The following TRAF7 variants were observed in gnomAD, a reference collection of about 807,000 sequenced individuals.
The protein encoded by TRAF7 is E3 ubiquitin-protein ligase TRAF7.
A neutral mutation model predicts 89.3 loss-of-function variants in TRAF7; 45 were observed. That is an observed-to-expected ratio of 0.50 (90% CI 0.40 to 0.65). TRAF7 has a LOEUF of 0.65. Among genes scored for constraint, TRAF7 ranks in the 30% least tolerant of loss-of-function variants. The probability of loss-of-function intolerance (pLI) is 0.00; values close to 1 mark genes in which losing one functional copy is unlikely to be tolerated. For synonymous variants in TRAF7, 406 were observed against 369.2 expected (o/e 1.10, Z -1.14); for missense variants, 677 against 918.1 (o/e 0.74, Z 3.39).
At chr16:2,171,697 G>A (rs1211556348) in intron 7 of TRAF7, 92 bp downstream of exon 7, 17 of 1,586,156 alleles carry the variant, frequency 1.1e-5, no homozygotes, top group East Asian at 4.5e-5. Flanking sequence ...CCTGCACAGC[G>A]TCCGGCCCTG....
Position 2,177,065 on chromosome 16 carries a change from C to T in TRAF7, c.*491C>T, listed in dbSNP as rs937200464. 8 of 285,704 alleles carry T rather than the reference C, an allele frequency of 2.8e-5. No homozygotes were observed. Among genetic ancestry groups the T allele is most frequent in the Admixed American group, 9.4e-5 (2 of 21,218 alleles). The allele number at this position is 285,704 out of a possible 1,614,324, so 17.7% of individuals were successfully genotyped here. A position where few individuals can be genotyped will look rare whatever the true frequency, so the allele number is the denominator to read the frequency against. ...TTTCCTTTGGTGGACCCCAGGACTTCGGCCCACTCCGGGGCCTCCCCTCCC... is the reference window on the plus strand; with the variant it reads ...TTTCCTTTGGTGGACCCCAGGACTTTGGCCCACTCCGGGGCCTCCCCTCCC... On this transcript the variant is annotated 3_prime_UTR_variant, in exon 21 of 21. Transcript: ENST00000326181.
chr16:2,173,857 G>GCGGGGGGGGGGCCCCCC, intron 12 of TRAF7, 21 bp downstream of exon 12: 1 of 1,607,486 alleles, frequency 6.2e-7, no homozygotes, highest in Non-Finnish European at 8.5e-7. Context: ...ACCCGCCGTG[G>GCGGGGGGGGGGCCCCCC]CTCCCGCCCA....
chr16:2,163,798 A>T lies in TRAF7; in HGVS notation c.-38-85A>T. 1.1e-6 allele frequency: 1 copy of T among 883,738 alleles called. No homozygotes were observed. The highest frequency in any genetic ancestry group is 1.8e-6 in the Non-Finnish European group (1 of 548,100). The allele number at this position is 883,738 out of a possible 1,614,324, so 54.7% of individuals were successfully genotyped here. On this transcript the variant is annotated intron_variant, in intron 1 of 20. Transcript: ENST00000326181. This position sits in a 1 kb window ranked among gnomAD's most constrained non-coding sequence, Gnocchi z 4.3. ...CGGCGGCCCCACGGTGCCCCACAGC[A>T]GGTCTGCACACTTGCAGCAGCCCGT...
In TRAF7 at chr16:2,172,670, C is replaced by T. The variant is rs1335951825; in HGVS notation, c.794+71C>T. 122 of 1,485,602 alleles carry T rather than the reference C, an allele frequency of 8.2e-5. 1 individual carries two copies. The East Asian group carries it at 2.4e-3, about 30-fold the overall frequency. 92.0% of individuals were successfully genotyped at this position (1,485,602 alleles called of 1,614,324 possible). On this transcript the variant is annotated intron_variant, in intron 9 of 20. Transcript: ENST00000326181. ...TCCACAGGCTCCGCTGAGAGCTGCC[C>T]GCTTGCTGGTCCCGGGGAGGTAGGC...
chr16:2,175,830 A>G lies in TRAF7; in HGVS notation c.1627-4A>G. 6.2e-7 allele frequency: 1 copy of G among 1,613,020 alleles called. No homozygotes were observed. The highest frequency in any genetic ancestry group is 8.5e-7 in the Non-Finnish European group (1 of 1,179,640). On this transcript the variant is annotated splice_polypyrimidine_tract_variant and splice_region_variant and intron_variant, in intron 17 of 20. Transcript: ENST00000326181. ...GGGACCAACTGGCCCACGATTACTC[A>G]TAGATCTGGGACATCCGAACCCTTG...
rs147954407 is a variant in TRAF7, at chr16:2,166,991, A to C, written c.139+1055A>C. Among the ~76,000 whole-genome samples the C allele has an allele frequency of 2.0e-3, 307 of 152,316 alleles. 1 individual carries two copies. Among genetic ancestry groups the C allele is most frequent in the African/African-American group, 7.0e-3 (291 of 41,578 alleles). On this transcript the variant is annotated intron_variant, in intron 3 of 20. Transcript: ENST00000326181. Reference sequence around the variant, plus strand: ...GCTAATTAGCTTTTTAATTGCTCTGATAAACCTGGCCATGGGGTCATAGGG... The same window carrying C: ...GCTAATTAGCTTTTTAATTGCTCTGCTAAACCTGGCCATGGGGTCATAGGG...
Position 2,176,803 on chromosome 16 carries a change from C to T in TRAF7, c.*229C>T, listed in dbSNP as rs956716078. 3.4e-5 allele frequency: 22 copies of T among 643,402 alleles called. No individual in the cohort carries two copies. The highest frequency in any genetic ancestry group is 1.3e-4 in the South Asian group (7 of 54,660). 39.9% of individuals were successfully genotyped at this position (643,402 alleles called of 1,614,324 possible). A position where few individuals can be genotyped will look rare whatever the true frequency, so the allele number is the denominator to read the frequency against. ...TGGGTGCCAGGTACGACGCTTGCCC[C>T]GGCCCACCCTCCATCCCCACCCTCC... On this transcript the variant is annotated 3_prime_UTR_variant, in exon 21 of 21. Transcript: ENST00000326181.
rs938249770 is a variant in TRAF7, at chr16:2,172,689, G to A, written c.794+90G>A. The stretch of plus-strand genomic sequence containing the variant: ...GCTGCCCGCTTGCTGGTCCCGGGGA[G>A]GTAGGCCGGAGCTGGGGCCACACCG... On this transcript the variant is annotated intron_variant, in intron 9 of 20. Coordinates refer to ENST00000326181, the MANE Select transcript of TRAF7 (RefSeq NM_032271.3). 2.8e-6 allele frequency: 4 copies of A among 1,432,012 alleles called. No individual in the cohort carries two copies. In the African/African-American group the frequency reaches 5.7e-5, roughly 20 times the overall value. 88.7% of individuals were successfully genotyped at this position (1,432,012 alleles called of 1,614,324 possible).
rs779171749 is a variant in TRAF7, at chr16:2,173,171, T to C, written c.795-11T>C. The C allele has an allele frequency of 3.8e-6, 6 of 1,599,996 alleles. No individual in the cohort carries two copies. Among genetic ancestry groups the C allele is most frequent in the African/African-American group, 1.3e-5 (1 of 74,568 alleles). ...GGACCCGCCAGGCAGGCAGCTGTCCTGTCCCCGCAGGTGCACGTTCATCGG... is the reference window on the plus strand; with the variant it reads ...GGACCCGCCAGGCAGGCAGCTGTCCCGTCCCCGCAGGTGCACGTTCATCGG... On this transcript the variant is annotated splice_polypyrimidine_tract_variant and intron_variant, in intron 9 of 20. Transcript: ENST00000326181.
intron 4 of TRAF7, among the ~76,000 whole-genome samples, chr16:2,169,110 C>T (rs1437613683): frequency 1.3e-5 from 2 of 152,086 alleles, no homozygotes; most frequent in Admixed American, 6.5e-5. Flanking sequence ...CTCAGCCTCC[C>T]GAGTAGCTGG....
In TRAF7 at chr16:2,173,314, C is replaced by A; in HGVS notation, c.927C>A (p.Asp309Glu). The A allele has an allele frequency of 6.2e-7, 1 of 1,613,620 alleles. No homozygotes were observed. Among genetic ancestry groups the A allele is most frequent in the Non-Finnish European group, 8.5e-7 (1 of 1,180,002 alleles). ...TGCACGTGGCTCTGGCCCAGAAGGACCAGGAGATCGCCTTCCTGCGCTCCA... is the reference window on the plus strand; with the variant it reads ...TGCACGTGGCTCTGGCCCAGAAGGAACAGGAGATCGCCTTCCTGCGCTCCA... ...HEMHVALAQK[D>E]QEIAFLRSML... is the part of the protein sequence containing the mutation. The change falls in exon 10 of 21, where the codon GAC becomes GAA. Residue 309 changes from aspartate (D) to glutamate (E), a missense_variant. This residue lies in a region of TRAF7 where 238 missense variants were observed against 352.6 expected (regional missense o/e 0.67). Coordinates refer to ENST00000326181, the MANE Select transcript of TRAF7 (RefSeq NM_032271.3).
rs776414915 is a variant in TRAF7 at position 2,172,500 on chromosome 16, G to T, written c.695G>T (p.Arg232Leu). Reference protein sequence around the residue: ...HEGSCDYRPVRCPNNPSCPPL... With the variant: ...HEGSCDYRPVLCPNNPSCPPL... ...GGCAGCTGTGACTACAGGCCTGTGC[G>T]GTGTCCCAACAACCCCAGCTGCCCC... The change falls in exon 9 of 21, where the codon CGG becomes CTG. Residue 232 changes from arginine to leucine, a missense_variant. Coordinates refer to ENST00000326181, the MANE Select transcript of TRAF7 (RefSeq NM_032271.3). The T allele has an allele frequency of 1.2e-6, 2 of 1,606,974 alleles. No individual in the cohort carries two copies. Among genetic ancestry groups the T allele is most frequent in the African/African-American group, 1.3e-5 (1 of 74,846 alleles).
At chr16:2,156,495 A>G (rs1338047433) in intron 1 of TRAF7, among the ~76,000 whole-genome samples, 1 of 152,202 alleles carries the variant, frequency 6.6e-6, no homozygotes, top group Admixed American at 6.5e-5. Flanking sequence ...TGTGAAAGAA[A>G]GAAAGAGGGT....
rs1352216755 is a variant in TRAF7, at chr16:2,160,510, G to A, written c.-38-3373G>A. On this transcript the variant is annotated intron_variant, in intron 1 of 20. Transcript: ENST00000326181. ...GGGCGGGAGGTGTGGACCGGCGGGC[G>A]GTGTGGGTGGGCGGGAGGTGCTCGG... Among the ~76,000 whole-genome samples, 10 of 133,440 alleles carry A rather than the reference G, an allele frequency of 7.5e-5. No homozygotes were observed. The East Asian group carries it at 8.9e-4, about 12-fold the overall frequency. 87.5% of individuals were successfully genotyped at this position (133,440 alleles called of 152,430 possible). A position where few individuals can be genotyped will look rare whatever the true frequency, so the allele number is the denominator to read the frequency against.
rs2093148044 is a variant in TRAF7, at chr16:2,178,006, G to A, written c.*1432G>A. The A allele has an allele frequency of 4.9e-6, 2 of 407,892 alleles. No homozygotes were observed. Among genetic ancestry groups the A allele is most frequent in the Admixed American group, 6.9e-5 (2 of 28,786 alleles). 25.3% of individuals were successfully genotyped at this position (407,892 alleles called of 1,614,324 possible). Reference sequence around the variant, plus strand: ...TTCGTGTCCTTTCAGTTGGTAAATGGTTTTCTATAGAATCAATAATATTTC... The same window carrying A: ...TTCGTGTCCTTTCAGTTGGTAAATGATTTTCTATAGAATCAATAATATTTC... On this transcript the variant is annotated 3_prime_UTR_variant, in exon 21 of 21. Transcript: ENST00000326181.
In TRAF7 at chr16:2,176,972, G is replaced by T; in HGVS notation, c.*398G>T. On this transcript the variant is annotated 3_prime_UTR_variant, in exon 21 of 21. Coordinates refer to ENST00000326181, the MANE Select transcript of TRAF7 (RefSeq NM_032271.3). Reference sequence around the variant, plus strand: ...TGGGGACAGCTCCTCGGGACAAGGGGGCTGTGTGTGGCCTTGAGGTTGGTG... The same window carrying T: ...TGGGGACAGCTCCTCGGGACAAGGGTGCTGTGTGTGGCCTTGAGGTTGGTG... 2.4e-6 allele frequency: 1 copy of T among 413,004 alleles called. No individual in the cohort carries two copies. The highest frequency in any genetic ancestry group is 2.6e-5 in the South Asian group (1 of 38,252). The allele number at this position is 413,004 out of a possible 1,614,324, so 25.6% of individuals were successfully genotyped here.
At chr16:2,167,641 G>A (rs2093091806) in intron 3 of TRAF7, among the ~76,000 whole-genome samples, 2 of 152,166 alleles carry the variant, frequency 1.3e-5, no homozygotes, top group Admixed American at 1.3e-4. Flanking sequence ...GGCTGTCAGG[G>A]AACTCACCTG....
rs2093138648 is a variant in TRAF7, at chr16:2,176,750, G to T, written c.*176G>T. On this transcript the variant is annotated 3_prime_UTR_variant, in exon 21 of 21. Coordinates refer to ENST00000326181, the MANE Select transcript of TRAF7 (RefSeq NM_032271.3). ...TGCTCGGCGAGCCTCCCTCTACTCGGCACTGTCCTTGCTGCCCAGCCCCTC... is the reference window on the plus strand; with the variant it reads ...TGCTCGGCGAGCCTCCCTCTACTCGTCACTGTCCTTGCTGCCCAGCCCCTC... The T allele has an allele frequency of 8.7e-6, 8 of 917,988 alleles. No homozygotes were observed. The highest frequency in any genetic ancestry group is 1.4e-5 in the Non-Finnish European group (8 of 592,236). 56.9% of individuals were successfully genotyped at this position (917,988 alleles called of 1,614,324 possible).
intron 2 of TRAF7, 144 bp downstream of exon 2, chr16:2,164,145 T>G (rs1400334830): frequency 9.0e-6 from 5 of 557,996 alleles, no homozygotes; most frequent in South Asian, 2.1e-5. Context: ...GTGTGGTGTG[T>G]GTGTGTGTGT....
Sources: allele counts gnomAD v4.1 joint callset (sites outside exome capture counted in the v4.1 genomes callset), GRCh38; gene constraint gnomAD v4.1.1; regional missense constraint gnomAD v4.1.1; non-coding constraint Gnocchi (gnomAD v3.1); transcripts MANE v1.5; gene names NCBI Gene and HGNC (gene_info 2026-07-23, HGNC 2026-07-21).